SLC4A10: variants seen among roughly 807,000 people sequenced by gnomAD.
The protein encoded by SLC4A10 is sodium-driven chloride bicarbonate exchanger.
SLC4A10 carries 42 observed loss-of-function variants against 137.7 expected under a neutral mutation model. The ratio of observed to expected loss-of-function variants is 0.30; its 90% CI spans 0.24 to 0.39. SLC4A10 has a LOEUF of 0.39. Among genes scored for constraint, SLC4A10 ranks in the 10% least tolerant of loss-of-function variants. The pLI, the probability that SLC4A10 is intolerant of heterozygous loss-of-function variation, is 1.00. For missense variants in SLC4A10, 925 were observed against 1,355.0 expected (o/e 0.68, Z 4.98); for synonymous variants, 474 against 464.1 (o/e 1.02, Z -0.27).
intron 4 of SLC4A10, 102 bp from the exon 5 acceptor site, chr2:161,854,868 C>T: frequency 8.5e-7 from 1 of 1,177,176 alleles, no homozygotes; most frequent in Non-Finnish European, 1.1e-6. Context: ...TGAACCAAGA[C>T]ACAATATGAC....
chr2:161,671,215 T>C (rs78831240), intron 1 of SLC4A10, among the ~76,000 whole-genome samples: 127 of 152,196 alleles, frequency 8.3e-4, no homozygotes, highest in African/African-American at 3.0e-3. Flanking sequence ...TTCTCTCCCT[T>C]CCAACTCTTC....
chr2:161,660,107 T>A (rs933786222), intron 1 of SLC4A10, among the ~76,000 whole-genome samples: 1 of 152,182 alleles, frequency 6.6e-6, no homozygotes, highest in African/African-American at 2.4e-5. Context: ...GTTACAGAAC[T>A]CTGTGAGCAT....
At chr2:161,731,157 T>C (rs149585371) in intron 1 of SLC4A10, among the ~76,000 whole-genome samples, 1 of 152,284 alleles carries the variant, frequency 6.6e-6, no homozygotes, top group Non-Finnish European at 1.5e-5. Flanking sequence ...TGAGAGTAAA[T>C]GTGAATGCAT....
Position 161,624,440 on chromosome 2 carries a change from G to T in SLC4A10, c.-79G>T. On this transcript the variant is annotated 5_prime_UTR_variant, in exon 1 of 27. Transcript: ENST00000446997. Reference sequence around the variant, plus strand: ...CAGAGCTACCTGATCCGAATACTAAGCAGAGCGAGTGCCGGGCTGAGTGTA... The same window carrying T: ...CAGAGCTACCTGATCCGAATACTAATCAGAGCGAGTGCCGGGCTGAGTGTA... The T allele has an allele frequency of 6.5e-7, 1 of 1,548,382 alleles. No homozygotes were observed. The highest frequency in any genetic ancestry group is 8.7e-7 in the Non-Finnish European group (1 of 1,144,932).
At chr2:161,721,639 T>C (rs2045688192) in intron 1 of SLC4A10, among the ~76,000 whole-genome samples, 1 of 152,162 alleles carries the variant, frequency 6.6e-6, no homozygotes, top group Non-Finnish European at 1.5e-5. Flanking sequence ...ATTTCTACCT[T>C]GGAGAATCTG....
chr2:161,910,989 T>C (rs1483639296), intron 15 of SLC4A10, among the ~76,000 whole-genome samples: 1 of 151,914 alleles, frequency 6.6e-6, no homozygotes, highest in Non-Finnish European at 1.5e-5. Context: ...AAGTATCACT[T>C]AATATGTAAA....
chr2:161,926,414 G>T, intron 15 of SLC4A10, among the ~76,000 whole-genome samples: 1 of 113,042 alleles, frequency 8.8e-6, no homozygotes, highest in Non-Finnish European at 1.9e-5. Flanking sequence ...TTTTTTGGTA[G>T]ATCTTCCTCC....
intron 1 of SLC4A10, among the ~76,000 whole-genome samples, chr2:161,728,239 G>C (rs1230750714): frequency 6.6e-6 from 1 of 152,136 alleles, no homozygotes; most frequent in Admixed American, 6.5e-5. Flanking sequence ...TAACTATTCA[G>C]TCCTAAACTG....
intron 1 of SLC4A10, among the ~76,000 whole-genome samples, chr2:161,696,357 A>T (rs1339369591): frequency 6.6e-6 from 1 of 150,436 alleles, no homozygotes; most frequent in Non-Finnish European, 1.5e-5. Context: ...CACAATGTGC[A>T]GGTTAGTTAC....
chr2:161,702,129 G>C (rs1173964926), intron 1 of SLC4A10, among the ~76,000 whole-genome samples: 1 of 151,804 alleles, frequency 6.6e-6, no homozygotes, highest in Non-Finnish European at 1.5e-5. Context: ...TTTCACAACA[G>C]CCAGGATATG....
chr2:161,811,894 A>G (rs1397963044), intron 3 of SLC4A10, among the ~76,000 whole-genome samples: 4 of 152,066 alleles, frequency 2.6e-5, no homozygotes. Flanking sequence ...AATTTTTCTT[A>G]TCATCTTTGA....
At chr2:161,643,696 C>G (rs1025824808) in intron 1 of SLC4A10, among the ~76,000 whole-genome samples, 17 of 152,062 alleles carry the variant, frequency 1.1e-4, no homozygotes, top group Admixed American at 4.6e-4. Context: ...CTGCATAAGG[C>G]AAGATATTTA....
At chr2:161,776,325 C>A (rs1003323319) in intron 2 of SLC4A10, among the ~76,000 whole-genome samples, 1 of 151,886 alleles carries the variant, frequency 6.6e-6, no homozygotes, top group Non-Finnish European at 1.5e-5. Context: ...TTTCATCTTG[C>A]AAAATTGAAA....
intron 1 of SLC4A10, among the ~76,000 whole-genome samples, chr2:161,652,570 C>A (rs2036947722): frequency 6.6e-6 from 1 of 152,064 alleles, no homozygotes; most frequent in African/African-American, 2.4e-5. Flanking sequence ...TCAGGGTTCT[C>A]TTTTTAAAAT....
chr2:161,870,581 A>G (rs1478289967), intron 6 of SLC4A10, among the ~76,000 whole-genome samples: 20 of 151,920 alleles, frequency 1.3e-4, no homozygotes, highest in Admixed American at 1.3e-3. Flanking sequence ...ATATGGAGAA[A>G]TGATGTGAAA....
At chr2:161,754,183 T>C (rs1287097837) in intron 1 of SLC4A10, among the ~76,000 whole-genome samples, 1 of 152,102 alleles carries the variant, frequency 6.6e-6, no homozygotes, top group Non-Finnish European at 1.5e-5. Context: ...ATTACAGGTG[T>C]AAACCACTGC....
At chr2:161,717,932 T>C (rs2045126943) in intron 1 of SLC4A10, among the ~76,000 whole-genome samples, 1 of 152,174 alleles carries the variant, frequency 6.6e-6, no homozygotes, top group South Asian at 2.1e-4. Flanking sequence ...TGGGCTGTTT[T>C]GTTTGGGAGG....
chr2:161,638,500 C>T (rs1010092181), intron 1 of SLC4A10, among the ~76,000 whole-genome samples: 10 of 151,962 alleles, frequency 6.6e-5, no homozygotes, highest in Non-Finnish European at 1.3e-4. Context: ...GTTTTTATAC[C>T]AGCACCATGA....
chr2:161,906,566 T>A (rs1684412468), intron 15 of SLC4A10, among the ~76,000 whole-genome samples: 2 of 152,208 alleles, frequency 1.3e-5, no homozygotes, highest in African/African-American at 4.8e-5. Flanking sequence ...CCCCATTATT[T>A]AATTGTAGAA....
Sources: gnomAD v4.1 joint callset for allele counts (sites outside exome capture counted in the v4.1 genomes callset) on GRCh38, gnomAD v4.1.1 for gene constraint, MANE v1.5 for transcripts, NCBI Gene and HGNC (gene_info 2026-07-23, HGNC 2026-07-21) for gene names.